The following EIF2S2 variants were observed in gnomAD, a reference collection of about 807,000 sequenced individuals.
EIF2S2 encodes eukaryotic translation initiation factor 2 subunit 2.
Under a neutral mutation model 44.0 loss-of-function variants are expected in EIF2S2, and 4 were observed. The observed-to-expected ratio is 0.09, with a 90% CI of 0.04 to 0.21. The LOEUF is 0.21. Among genes scored for constraint, EIF2S2 ranks in the 10% least tolerant of loss-of-function variants. The pLI is 1.00. For synonymous variants in EIF2S2, 108 were observed against 128.3 expected (o/e 0.84, Z 1.07); for missense variants, 154 against 392.0 (o/e 0.39, Z 5.13).
At position 34,110,096 on chromosome 20, in the gene EIF2S2, C is replaced by CA. The variant is rs11167227; in HGVS notation, c.15+1999dup. On this transcript the variant is annotated intron_variant, in intron 1 of 8. Coordinates refer to ENST00000374980, the MANE Select transcript of EIF2S2 (RefSeq NM_003908.5). The stretch of plus-strand genomic sequence containing the variant: ...CCAGCGACAGTGCGAAATTCCATCT[C>CA]AAAAAAAAAAAAAAAAAAACAGAAA... Among the ~76,000 whole-genome samples the CA allele has an allele frequency of 3.6e-3, 306 of 86,080 alleles. 3 individuals are homozygous for CA. The highest frequency in any genetic ancestry group is 9.5e-3 in the African/African-American group (223 of 23,434). 56.5% of individuals were successfully genotyped at this position (86,080 alleles called of 152,430 possible). A position where few individuals can be genotyped will look rare whatever the true frequency, so the allele number is the denominator to read the frequency against.
chr20:34,109,015 T>C (rs1004892509), intron 1 of EIF2S2, among the ~76,000 whole-genome samples: 8 of 151,954 alleles, frequency 5.3e-5, no homozygotes, highest in African/African-American at 1.9e-4. Context: ...CAATTGTAAT[T>C]ATAGCGCACT....
chr20:34,098,102 C>G (rs555985399), intron 4 of EIF2S2, among the ~76,000 whole-genome samples: 1 of 151,944 alleles, frequency 6.6e-6, no homozygotes, highest in African/African-American at 2.4e-5. Context: ...CAAAATTAGC[C>G]GAGAGTGGTG....
At chr20:34,090,069 A>G (rs1601528188) in intron 8 of EIF2S2, among the ~76,000 whole-genome samples, 164 bp from the exon 9 acceptor site, 1 of 152,334 alleles carries the variant, frequency 6.6e-6, no homozygotes, top group Admixed American at 6.5e-5. Flanking sequence ...AGAAAACACA[A>G]GCTGTCTGCT....
At chr20:34,105,621 C>T in intron 1 of EIF2S2, 76 bp from the exon 2 acceptor site, 3 of 1,322,278 alleles carry the variant, frequency 2.3e-6, no homozygotes, top group African/African-American at 1.5e-5. Flanking sequence ...TATGCTTTAT[C>T]CTCAAAAGGC....
intron 3 of EIF2S2, among the ~76,000 whole-genome samples, chr20:34,102,190 C>A (rs1270914336): frequency 6.6e-6 from 1 of 152,188 alleles, no homozygotes; most frequent in African/African-American, 2.4e-5. Flanking sequence ...CTGGAGGAAT[C>A]AACCAACAAA....
At chr20:34,091,257 A>G (rs1200733022) in intron 7 of EIF2S2, among the ~76,000 whole-genome samples, 1 of 152,248 alleles carries the variant, frequency 6.6e-6, no homozygotes, top group Non-Finnish European at 1.5e-5. Flanking sequence ...AAGGCAAAGG[A>G]GAGACCTAGA....
chr20:34,099,777 C>T (rs773990646), intron 3 of EIF2S2, among the ~76,000 whole-genome samples: 3 of 152,108 alleles, frequency 2.0e-5, no homozygotes, highest in African/African-American at 4.8e-5. Context: ...CAGGAAAGTA[C>T]TTACTACTGC....
At chr20:34,111,577 A>G (rs1214475724) in intron 1 of EIF2S2, among the ~76,000 whole-genome samples, 2 of 152,116 alleles carry the variant, frequency 1.3e-5, no homozygotes, top group Non-Finnish European at 2.9e-5. Context: ...TTCTAACCCC[A>G]TCACCCCCTC....
chr20:34,106,210 G>T (rs191660298), intron 1 of EIF2S2, among the ~76,000 whole-genome samples: 1 of 151,794 alleles, frequency 6.6e-6, no homozygotes, highest in Non-Finnish European at 1.5e-5. Context: ...GTAAGCCACC[G>T]CACCTGGCCA....
intron 1 of EIF2S2, among the ~76,000 whole-genome samples, chr20:34,109,260 G>A (rs1291018740): frequency 7.2e-5 from 11 of 151,990 alleles, no homozygotes; most frequent in Admixed American, 6.6e-4. Flanking sequence ...TTGTGAATGG[G>A]ACCTAGTAGC....
intron 1 of EIF2S2, among the ~76,000 whole-genome samples, chr20:34,107,662 A>G (rs2034364723): frequency 6.6e-6 from 1 of 152,204 alleles, no homozygotes; most frequent in African/African-American, 2.4e-5. Context: ...CAAACATATA[A>G]AACTCTCAAA....
At chr20:34,111,672 C>T (rs80240810) in intron 1 of EIF2S2, among the ~76,000 whole-genome samples, 59 of 152,358 alleles carry the variant, frequency 3.9e-4, no homozygotes, top group African/African-American at 1.1e-3. Flanking sequence ...TTAACGAGGG[C>T]GTTATACCAA....
At chr20:34,105,619 A>G in intron 1 of EIF2S2, 74 bp from the exon 2 acceptor site, 1 of 1,366,900 alleles carries the variant, frequency 7.3e-7, no homozygotes, top group Non-Finnish European at 9.8e-7. Context: ...AATATGCTTT[A>G]TCCTCAAAAG....
In EIF2S2 at chr20:34,092,286, C is replaced by G. The variant is rs551898314; in HGVS notation, c.740+1389G>C. Among the ~76,000 whole-genome samples, 15 of 152,346 alleles carry G rather than the reference C, an allele frequency of 9.8e-5. No homozygotes were observed. In the South Asian group the frequency reaches 3.1e-3, roughly 32 times the overall value. ...TAGTTTATCCCACCTCTAACAAAAC[C>G]TCTAGATTATTCTAACAATAGAAAA... On this transcript the variant is annotated intron_variant, in intron 7 of 8. Coordinates refer to ENST00000374980, the MANE Select transcript of EIF2S2 (RefSeq NM_003908.5).
intron 1 of EIF2S2, among the ~76,000 whole-genome samples, chr20:34,109,617 G>GC (rs1172257939): frequency 6.6e-6 from 1 of 151,912 alleles, no homozygotes; most frequent in Non-Finnish European, 1.5e-5. Flanking sequence ...CTATGATTGT[G>GC]CCACCGCACT....
At chr20:34,111,732 G>A (rs2034415184) in intron 1 of EIF2S2, among the ~76,000 whole-genome samples, 1 of 152,276 alleles carries the variant, frequency 6.6e-6, no homozygotes, top group Non-Finnish European at 1.5e-5. Context: ...CACCCAGTGA[G>A]GCGAGCTGGG....
rs149421617 is a variant in EIF2S2, at chr20:34,105,378, A to G, written c.183T>C (p.Thr61=). 36 of 1,611,312 alleles carry G rather than the reference A, an allele frequency of 2.2e-5. No individual in the cohort carries two copies. The East Asian group carries it at 7.1e-4, about 32-fold the overall frequency. ...ACATCAACCACGCACCTTTTTTCCT[A>G]GTGTCCTCTTCATCAGCTTCCAAAT... ...DKDLEADEED[T]RKKDASDDLD... Residue 61 remains threonine, a synonymous_variant, in exon 2 of 9, where the codon ACT becomes ACC. Coordinates refer to ENST00000374980, the MANE Select transcript of EIF2S2 (RefSeq NM_003908.5).
chr20:34,109,880 G>A (rs1478456384), intron 1 of EIF2S2, among the ~76,000 whole-genome samples: 1 of 151,408 alleles, frequency 6.6e-6, no homozygotes, highest in Non-Finnish European at 1.5e-5. Flanking sequence ...TGAGGCAGGC[G>A]AATCAGAAGG....
At chr20:34,106,424 GTTCTT>G (rs1434388330) in intron 1 of EIF2S2, among the ~76,000 whole-genome samples, 4 of 113,334 alleles carry the variant, frequency 3.5e-5, no homozygotes, top group Non-Finnish European at 6.8e-5. Context: ...AACATTAAAG[GTTCTT>G]TTTTTTTTTT....
Sources: allele counts gnomAD v4.1 joint callset (sites outside exome capture counted in the v4.1 genomes callset), GRCh38; gene constraint gnomAD v4.1.1; transcripts MANE v1.5; gene names NCBI Gene and HGNC (gene_info 2026-07-23, HGNC 2026-07-21).